ABHD2: variants seen among roughly 807,000 people sequenced by gnomAD.
ABHD2 encodes monoacylglycerol lipase ABHD2.
In ABHD2, 20 loss-of-function variants were observed where a neutral mutation model predicts 48.1. The ratio of observed to expected loss-of-function variants is 0.42; its 90% confidence interval spans 0.29 to 0.60. The LOEUF (loss-of-function observed/expected upper bound fraction) is 0.60, where lower values mean the gene tolerates loss of function less well. ABHD2 is among the 20% of genes least tolerant of loss of function. The probability of loss-of-function intolerance (pLI) is 0.24; values close to 1 mark genes in which losing one functional copy is unlikely to be tolerated. For synonymous variants in ABHD2, 209 were observed against 214.2 expected (o/e 0.98, Z 0.21); for missense variants, 405 against 550.9 (o/e 0.74, Z 2.65).
upstream of ABHD2, among the ~76,000 whole-genome samples, chr15:89,086,088 A>G (rs1373946729): frequency 2.6e-5 from 4 of 152,014 alleles, no homozygotes; most frequent in Non-Finnish European, 5.9e-5. Context: ...GCTGGAATGC[A>G]GTGGTGCAAT....
At chr15:89,169,123 T>G (rs894698576) in intron 5 of ABHD2, among the ~76,000 whole-genome samples, 4 of 151,906 alleles carry the variant, frequency 2.6e-5, no homozygotes, top group Non-Finnish European at 5.9e-5. Flanking sequence ...ATAAAAGGAA[T>G]CAAATGGTTG....
At chr15:89,143,192 T>A (rs751438254) in intron 3 of ABHD2, among the ~76,000 whole-genome samples, 12 of 152,206 alleles carry the variant, frequency 7.9e-5, no homozygotes, top group Non-Finnish European at 1.8e-4. Flanking sequence ...AGTTCAATTT[T>A]ACAGGTCTAA....
At chr15:89,074,981 A>AC in the ABHD2 span, among the ~76,000 whole-genome samples, 1 of 151,308 alleles carries the variant, frequency 6.6e-6, no homozygotes, top group Non-Finnish European at 1.5e-5. Context: ...CATTCCCTTC[A>AC]CCCCCAACCC....
At chr15:89,129,628 G>T (rs2050188124) in intron 3 of ABHD2, among the ~76,000 whole-genome samples, 1 of 152,110 alleles carries the variant, frequency 6.6e-6, no homozygotes. Context: ...TTAGCGAGCT[G>T]TTGCCCCCCG....
At chr15:89,052,301 G>A in the ABHD2 span, among the ~76,000 whole-genome samples, 1 of 152,208 alleles carries the variant, frequency 6.6e-6, no homozygotes, top group East Asian at 1.9e-4. Context: ...GATTCTAATT[G>A]CATTTAATGG....
At chr15:89,194,448 A>C (rs1229440826) in intron 10 of ABHD2, among the ~76,000 whole-genome samples, 1 of 152,138 alleles carries the variant, frequency 6.6e-6, no homozygotes, top group Non-Finnish European at 1.5e-5. Flanking sequence ...CTCTGTCCCA[A>C]AAAAATAAAA....
chr15:89,138,337 C>T (rs759608242), intron 3 of ABHD2, among the ~76,000 whole-genome samples: 1 of 152,202 alleles, frequency 6.6e-6, no homozygotes, highest in African/African-American at 2.4e-5. Flanking sequence ...GATGCTTGTC[C>T]TCCTGGGTTT....
chr15:89,158,445 G>A (rs955642150), intron 5 of ABHD2, among the ~76,000 whole-genome samples: 7 of 152,214 alleles, frequency 4.6e-5, no homozygotes, highest in Admixed American at 1.3e-4. Context: ...CAGGTCAGGG[G>A]AGACCAGCAG....
At chr15:89,154,378 A>G (rs1306318649) in intron 4 of ABHD2, among the ~76,000 whole-genome samples, 1 of 152,266 alleles carries the variant, frequency 6.6e-6, no homozygotes. Context: ...GATCAAATTT[A>G]ATGACCTAAG....
chr15:89,094,555 A>G lies in ABHD2; in HGVS notation c.-107+5992A>G, dbSNP rs1229163459. Among the ~76,000 whole-genome samples the G allele has an allele frequency of 2.6e-5, 4 of 151,730 alleles. No homozygotes were observed. The highest frequency in any genetic ancestry group is 1.3e-4 in the Admixed American group (2 of 15,216). On this transcript the variant is annotated intron_variant, in intron 1 of 10. Transcript: ENST00000352732. The surrounding 1 kb of genome is among the most constrained non-coding windows in gnomAD (Gnocchi z 4.7). ...AAACCCCGTCTCTACTAAAAATACA[A>G]AAATTAGCTGAGCATGGTGGTGTGC...
chr15:89,053,942 G>A, the ABHD2 span, among the ~76,000 whole-genome samples: 1 of 152,168 alleles, frequency 6.6e-6, no homozygotes, highest in East Asian at 1.9e-4. Flanking sequence ...GCCAAGTACA[G>A]CACCTGAGCT....
rs1244642156 is a variant in ABHD2 at position 89,097,152 on chromosome 15, G to A, written c.-107+8589G>A. The stretch of plus-strand genomic sequence containing the variant: ...TTTTAAAGATATACAGAAGTAGAGA[G>A]AATCATATAATGAACCTCCAAGCCC... On this transcript the variant is annotated intron_variant, in intron 1 of 10. Transcript: ENST00000352732. This position sits in a 1 kb window ranked among gnomAD's most constrained non-coding sequence, Gnocchi z 4.2. 6.6e-6 allele frequency among the ~76,000 whole-genome samples: 1 copy of A among 152,112 alleles called. No homozygotes were observed. The highest frequency in any genetic ancestry group is 1.9e-4 in the East Asian group (1 of 5,202).
intron 10 of ABHD2, 40 bp downstream of exon 10, chr15:89,193,359 A>G: frequency 2.6e-6 from 4 of 1,533,780 alleles, no homozygotes; most frequent in Non-Finnish European, 3.6e-6. Flanking sequence ...CAGCTCAGCA[A>G]GTTGCCACAG....
At chr15:89,085,951 C>T (rs925099836), upstream of ABHD2, among the ~76,000 whole-genome samples, 1 of 152,054 alleles carries the variant, frequency 6.6e-6, no homozygotes, top group African/African-American at 2.4e-5. This position sits in a 1 kb window ranked among gnomAD's most constrained non-coding sequence, Gnocchi z 4.2. Flanking sequence ...TGTTTAAAGA[C>T]AAGAACCAGA....
chr15:89,042,626 ATTTATTTT>A, the ABHD2 span, among the ~76,000 whole-genome samples: 5 of 83,906 alleles, frequency 6.0e-5, no homozygotes, highest in Non-Finnish European at 7.6e-5. Context: ...TTATTTATTT[ATTTATTTT>A]GGAGACTTTT....
At chr15:89,141,622 C>CAA (rs113171791) in intron 3 of ABHD2, among the ~76,000 whole-genome samples, 2 of 149,516 alleles carry the variant, frequency 1.3e-5, no homozygotes, top group East Asian at 2.0e-4. Flanking sequence ...AACTCTGTCT[C>CAA]AAAAAAAAAA....
At position 89,182,777 on chromosome 15, in the gene ABHD2, A is replaced by C. The variant is rs940127522; in HGVS notation, c.723-2647A>C. ...CACTGCACTCCAGCCTGAGCAACAG[A>C]GTGAGACTCCATCTCAAGAAACAAA... is the stretch of plus-strand genomic sequence containing the variant. On this transcript the variant is annotated intron_variant, in intron 6 of 10. Coordinates refer to ENST00000352732, the MANE Select transcript of ABHD2 (RefSeq NM_152924.5). The surrounding 1 kb of genome is among the most constrained non-coding windows in gnomAD (Gnocchi z 4.8). 2.3e-4 allele frequency among the ~76,000 whole-genome samples: 35 copies of C among 152,190 alleles called. 1 individual carries two copies. The highest frequency in any genetic ancestry group is 3.2e-3 in the Middle Eastern group (1 of 316).
chr15:89,112,958 G>A (rs2049898634), intron 1 of ABHD2, among the ~76,000 whole-genome samples: 1 of 152,214 alleles, frequency 6.6e-6, no homozygotes, highest in Non-Finnish European at 1.5e-5. Flanking sequence ...AGGATTAAAT[G>A]AGCTACCATA....
intron 1 of ABHD2, among the ~76,000 whole-genome samples, chr15:89,096,272 A>T (rs1347312550): frequency 1.3e-5 from 2 of 152,256 alleles, no homozygotes; most frequent in Non-Finnish European, 1.5e-5. Flanking sequence ...GAGTAATTTT[A>T]TGTTTTTATA....
Sources: allele counts gnomAD v4.1 joint callset (sites outside exome capture counted in the v4.1 genomes callset), GRCh38; gene constraint gnomAD v4.1.1; non-coding constraint Gnocchi (gnomAD v3.1); transcripts MANE v1.5; gene names NCBI Gene and HGNC (gene_info 2026-07-23, HGNC 2026-07-21).